The following CRB1 variants were observed in gnomAD, a reference collection of about 807,000 sequenced individuals.
CRB1 encodes protein crumbs homolog 1.
In CRB1, 83 loss-of-function variants were observed where a neutral mutation model predicts 120.0. The observed-to-expected ratio is 0.69, with a 90% confidence interval of 0.58 to 0.83. The LOEUF (loss-of-function observed/expected upper bound fraction) is 0.83, where lower values mean the gene tolerates loss of function less well. Ranked by LOEUF, CRB1 falls within the 40% of genes least tolerant of loss-of-function variation. The probability of loss-of-function intolerance (pLI) is 0.00; values close to 1 mark genes in which losing one functional copy is unlikely to be tolerated. For missense variants in CRB1, 1,699 were observed against 1,687.6 expected, an observed-to-expected ratio of 1.01 and a Z score of -0.12; for synonymous variants, 625 against 612.5, an observed-to-expected ratio of 1.02 and a Z score of -0.30.
intron 11 of CRB1, among the ~76,000 whole-genome samples, chr1:197,450,056 C>T (rs944838500): frequency 8.5e-5 from 13 of 152,148 alleles, no homozygotes; most frequent in African/African-American, 1.4e-4. Flanking sequence ...TAGTGCCCTC[C>T]GCTCTGCTTA....
At chr1:197,280,709 C>T (rs898105907) in intron 1 of CRB1, among the ~76,000 whole-genome samples, 2 of 151,790 alleles carry the variant, frequency 1.3e-5, no homozygotes, top group African/African-American at 4.8e-5. Flanking sequence ...GTAGTCCTTG[C>T]CATCAATATA....
At chr1:197,459,533 G>A (rs757628242) in intron 11 of CRB1, among the ~76,000 whole-genome samples, 1 of 152,032 alleles carries the variant, frequency 6.6e-6, no homozygotes, top group Non-Finnish European at 1.5e-5. Flanking sequence ...AAGGAACAAG[G>A]CAGTTCTCCA....
At chr1:197,341,532 C>T (rs1328258719) in intron 2 of CRB1, among the ~76,000 whole-genome samples, 1 of 149,504 alleles carries the variant, frequency 6.7e-6, no homozygotes, top group East Asian at 2.5e-4. Context: ...GAGTGAGACT[C>T]CATCTCAGAA....
At chr1:197,349,867 G>A (rs1466802234) in intron 4 of CRB1, among the ~76,000 whole-genome samples, 2 of 151,932 alleles carry the variant, frequency 1.3e-5, no homozygotes, top group Non-Finnish European at 2.9e-5. Context: ...TTGGGAGGCC[G>A]AGGCGGGTGG....
rs369604291 is a variant in CRB1, at chr1:197,358,213, C to T, written c.1171+1200C>T. ...TCCTGTTTCTGTTTCTTACTATTGC[C>T]TCTTTTCAAAAATTTGTTTCTAAAT... is the stretch of plus-strand genomic sequence containing the variant. On this transcript the variant is annotated intron_variant, in intron 5 of 11. Coordinates refer to ENST00000367400, the MANE Select transcript of CRB1 (RefSeq NM_201253.3). 111 of 152,202 alleles carry T rather than the reference C, an allele frequency of 7.3e-4. 1 individual carries two copies. The highest frequency in any genetic ancestry group is 2.3e-3 in the African/African-American group (97 of 41,536). The allele number at this position is 152,202 out of a possible 1,614,324, so 9.4% of individuals were successfully genotyped here. A position where few individuals can be genotyped will look rare whatever the true frequency, so the allele number is the denominator to read the frequency against.
chr1:197,430,690 T>C (rs1571547082), intron 8 of CRB1, among the ~76,000 whole-genome samples: 1 of 152,168 alleles, frequency 6.6e-6, no homozygotes, highest in East Asian at 1.9e-4. Context: ...TTTTTATCTC[T>C]TATTGTTCCT....
chr1:197,444,765 G>A (rs772909588), intron 11 of CRB1: 1 of 152,130 alleles, frequency 6.6e-6, no homozygotes, highest in Non-Finnish European at 1.5e-5. Flanking sequence ...CCAGCTGCAT[G>A]TGTGTGACTA....
At chr1:197,294,152 GCAAT>G (rs1417096468) in intron 1 of CRB1, among the ~76,000 whole-genome samples, 1 of 152,102 alleles carries the variant, frequency 6.6e-6, no homozygotes, top group African/African-American at 2.4e-5. Flanking sequence ...GAAAATTTTT[GCAAT>G]CTGCACATCT....
chr1:197,223,407 T>A, the CRB1 span, among the ~76,000 whole-genome samples: 3 of 152,328 alleles, frequency 2.0e-5, no homozygotes, highest in Non-Finnish European at 4.4e-5. Flanking sequence ...TGGTTTTTTT[T>A]AGAGTGAATT....
At chr1:197,241,334 G>T in the CRB1 span, among the ~76,000 whole-genome samples, 1 of 152,242 alleles carries the variant, frequency 6.6e-6, no homozygotes, top group East Asian at 1.9e-4. Flanking sequence ...ATGGTTTTAG[G>T]TCTTGCATTT....
chr1:197,270,868 A>G (rs1654868615), intron 1 of CRB1, among the ~76,000 whole-genome samples: 1 of 152,168 alleles, frequency 6.6e-6, no homozygotes, highest in Admixed American at 6.5e-5. Context: ...GCTTAAGCAG[A>G]CTTTATTATG....
intron 4 of CRB1, among the ~76,000 whole-genome samples, chr1:197,349,829 G>T (rs1026719188): frequency 6.6e-6 from 1 of 152,056 alleles, no homozygotes; most frequent in Non-Finnish European, 1.5e-5. Context: ...GGCTGGGCGC[G>T]GTGGCTCACG....
At position 197,328,507 on chromosome 1, in the gene CRB1, T is replaced by C. The variant is rs143046320; in HGVS notation, c.156T>C (p.Asn52=). ...CATGCAAAGATTTTTCAAAAGACAA[T>C]GATTGTTCTTGTTCAGACACAGCCA... is the stretch of plus-strand genomic sequence containing the variant. ...NSTCKDFSKD[N]DCSCSDTANN... The change falls in exon 2 of 12, where the codon AAT becomes AAC. Residue 52 remains asparagine (N), a synonymous_variant. Transcript: ENST00000367400. 5.5e-5 allele frequency: 88 copies of C among 1,614,088 alleles called. No homozygotes were observed. Among genetic ancestry groups the C allele is most frequent in the Non-Finnish European group, 6.9e-5 (81 of 1,180,030 alleles).
At chr1:197,445,846 C>A (rs1665674266) in intron 11 of CRB1, among the ~76,000 whole-genome samples, 1 of 152,122 alleles carries the variant, frequency 6.6e-6, no homozygotes, top group Non-Finnish European at 1.5e-5. Context: ...GGGAATAGAA[C>A]TATGATTTAG....
Position 197,382,773 on chromosome 1 carries a change from G to C in CRB1, c.1171+25760G>C, listed in dbSNP as rs371139665. On this transcript the variant is annotated intron_variant, in intron 5 of 11. Transcript: ENST00000367400. ...TTATTAGGAGCAGACTCTGTGCCAG[G>C]CACTGTTGCATGCCCTGAAAATAAT... is the stretch of plus-strand genomic sequence containing the variant. Among the ~76,000 whole-genome samples the C allele has an allele frequency of 1.2e-4, 18 of 152,250 alleles. No individual in the cohort carries two copies. The East Asian group carries it at 2.5e-3, about 21-fold the overall frequency.
intron 4 of CRB1, among the ~76,000 whole-genome samples, chr1:197,353,673 C>G (rs964178710): frequency 1.3e-5 from 2 of 151,978 alleles, no homozygotes; most frequent in Non-Finnish European, 2.9e-5. Flanking sequence ...TGGTGGCACA[C>G]GCCTGTAATC....
chr1:197,432,357 A>AACACACACACACACACACAC (rs35921087), intron 8 of CRB1, among the ~76,000 whole-genome samples: 1 of 139,770 alleles, frequency 7.2e-6, no homozygotes, highest in African/African-American at 2.7e-5. Flanking sequence ...ACCTGGTTGA[A>AACACACACACACACACACAC]ACACACACAC....
intron 5 of CRB1, among the ~76,000 whole-genome samples, chr1:197,390,706 A>T (rs1428621231): frequency 1.3e-5 from 2 of 152,060 alleles, no homozygotes; most frequent in East Asian, 3.9e-4. Flanking sequence ...AATTTTAAAG[A>T]CGTGAATTTT....
chr1:197,207,457 T>G, the CRB1 span, among the ~76,000 whole-genome samples: 1 of 152,178 alleles, frequency 6.6e-6, no homozygotes, highest in Non-Finnish European at 1.5e-5. Context: ...AAAGACTGTA[T>G]CTTTCCTTCA....
Sources: allele counts gnomAD v4.1 joint callset (sites outside exome capture counted in the v4.1 genomes callset), GRCh38; gene constraint gnomAD v4.1.1; transcripts MANE v1.5; gene names NCBI Gene and HGNC (gene_info 2026-07-23, HGNC 2026-07-21).